THBS1: variants seen among roughly 807,000 people sequenced by gnomAD.
The protein encoded by THBS1 is thrombospondin-1.
A neutral mutation model predicts 126.1 loss-of-function variants in THBS1; 29 were observed. The observed-to-expected ratio is 0.23, with a 90% confidence interval of 0.17 to 0.31. THBS1 has a LOEUF of 0.31. THBS1 is among the 10% of genes least tolerant of loss of function. The pLI, the probability that THBS1 is intolerant of heterozygous loss-of-function variation, is 1.00. For missense variants in THBS1, 1,198 were observed against 1,545.2 expected (o/e 0.78, Z 3.77); for synonymous variants, 496 against 577.8 (o/e 0.86, Z 2.03).
Position 39,596,703 on chromosome 15 carries a change from G to A in THBS1, c.*1334G>A, listed in dbSNP as rs988714608. ...TTTTTTCTCTGTTTTATCTTTTCAA[G>A]TGGAATTAGTTGGTTATCCATTTGC... On this transcript the variant is annotated 3_prime_UTR_variant, in exon 22 of 22. Coordinates refer to ENST00000260356, the MANE Select transcript of THBS1 (RefSeq NM_003246.4). 3 of 152,204 alleles carry A rather than the reference G, an allele frequency of 2.0e-5. No homozygotes were observed. The highest frequency in any genetic ancestry group is 7.2e-5 in the African/African-American group (3 of 41,466). 9.4% of individuals were successfully genotyped at this position (152,204 alleles called of 1,614,324 possible). A position where few individuals can be genotyped will look rare whatever the true frequency, so the allele number is the denominator to read the frequency against.
rs1890368864 is a variant in THBS1 at position 39,593,390 on chromosome 15, C to A, written c.2996-7C>A. ...GGTTTTAACCTGGCTCTGGGCTCTT[C>A]TTCCAGGTTATGATGAGTTTAATGC... On this transcript the variant is annotated splice_polypyrimidine_tract_variant and splice_region_variant and intron_variant, in intron 18 of 21. Coordinates refer to ENST00000260356, the MANE Select transcript of THBS1 (RefSeq NM_003246.4). This position sits in a 1 kb window ranked among gnomAD's most constrained non-coding sequence, Gnocchi z 5.9. 6.2e-7 allele frequency: 1 copy of A among 1,613,768 alleles called. No homozygotes were observed. The highest frequency in any genetic ancestry group is 1.3e-5 in the African/African-American group (1 of 75,004).
chr15:39,585,442 G>A (rs374149106), intron 6 of THBS1, 28 bp from the exon 7 acceptor site: 206 of 1,604,540 alleles, frequency 1.3e-4, no homozygotes, highest in Admixed American at 3.7e-4. Flanking sequence ...TCAGCAGCCT[G>A]TTCCCCTCTC....
chr15:39,582,243 G>A lies in THBS1; in HGVS notation c.118G>A (p.Ala40Thr), dbSNP rs748135401. 6 of 1,613,764 alleles carry A rather than the reference G, an allele frequency of 3.7e-6. No homozygotes were observed. The South Asian group carries it at 4.4e-5, about 12-fold the overall frequency. Residue 40 changes from alanine to threonine, a missense_variant, in exon 3 of 22, where the codon GCC (alanine) becomes ACC (threonine). This residue lies in a region of THBS1 where 271 missense variants were observed against 277.0 expected (regional missense o/e 0.98). Coordinates refer to ENST00000260356, the MANE Select transcript of THBS1 (RefSeq NM_003246.4). ...VFDIFELTGA[A>T]RKGSGRRLVK... is the part of the protein sequence containing the mutation. Reference sequence around the variant, plus strand: ...TGACATCTTTGAACTCACCGGGGCCGCCCGCAAGGGGTCTGGGCGCCGACT... The same window carrying A: ...TGACATCTTTGAACTCACCGGGGCCACCCGCAAGGGGTCTGGGCGCCGACT...
Position 39,595,591 on chromosome 15 carries a change from A to C in THBS1, c.*222A>C. ...CCTCCAATGAATAAGACATCTTCCAAGCATATAAACAATTGCTTTGGTTTC... is the reference window on the plus strand; with the variant it reads ...CCTCCAATGAATAAGACATCTTCCACGCATATAAACAATTGCTTTGGTTTC... On this transcript the variant is annotated 3_prime_UTR_variant, in exon 22 of 22. Transcript: ENST00000260356. The C allele has an allele frequency of 3.1e-6, 2 of 635,312 alleles. No individual in the cohort carries two copies. Among genetic ancestry groups the C allele is most frequent in the East Asian group, 5.7e-5 (2 of 34,898 alleles). The allele number at this position is 635,312 out of a possible 1,614,324, so 39.4% of individuals were successfully genotyped here. A position where few individuals can be genotyped will look rare whatever the true frequency, so the allele number is the denominator to read the frequency against.
In THBS1 at chr15:39,593,773, T is replaced by G; in HGVS notation, c.3267+105T>G. 1 of 1,469,876 alleles carries G rather than the reference T, an allele frequency of 6.8e-7. No individual in the cohort carries two copies. The highest frequency in any genetic ancestry group is 9.2e-7 in the Non-Finnish European group (1 of 1,091,042). 91.1% of individuals were successfully genotyped at this position (1,469,876 alleles called of 1,614,324 possible). A position where few individuals can be genotyped will look rare whatever the true frequency, so the allele number is the denominator to read the frequency against. On this transcript the variant is annotated intron_variant, in intron 19 of 21. Coordinates refer to ENST00000260356, the MANE Select transcript of THBS1 (RefSeq NM_003246.4). This position sits in a 1 kb window ranked among gnomAD's most constrained non-coding sequence, Gnocchi z 5.9. ...CTCTGACCAGGGAGTCTTAGAAAGT[T>G]CCCAGCATCACCAGCTGCAGCATTG... is the stretch of plus-strand genomic sequence containing the variant.
At position 39,590,109 on chromosome 15, in the gene THBS1, T is replaced by C. The variant is rs187558056; in HGVS notation, c.2145+86T>C. On this transcript the variant is annotated intron_variant, in intron 13 of 21. Transcript: ENST00000260356. ...GCTAAGGAATTTTAAATACTTAAAG[T>C]TTGGACATGAAACTGAAAGATTAAA... The C allele has an allele frequency of 1.6e-4, 195 of 1,209,860 alleles. 1 individual carries two copies. The African/African-American group carries it at 2.6e-3, about 16-fold the overall frequency. The allele number at this position is 1,209,860 out of a possible 1,614,324, so 74.9% of individuals were successfully genotyped here.
At chr15:39,585,424 C>A in intron 6 of THBS1, 46 bp from the exon 7 acceptor site, 1 of 1,546,712 alleles carries the variant, frequency 6.5e-7, no homozygotes, top group Non-Finnish European at 8.9e-7. Context: ...CTTCTGTATG[C>A]AACATGCTCA....
In THBS1 at chr15:39,582,241, C is replaced by T; in HGVS notation, c.116C>T (p.Ala39Val). The T allele has an allele frequency of 1.9e-6, 3 of 1,613,704 alleles. No homozygotes were observed. The highest frequency in any genetic ancestry group is 2.5e-6 in the Non-Finnish European group (3 of 1,179,844). The change falls in exon 3 of 22, where the codon GCC becomes GTC. Residue 39 changes from alanine (A) to valine (V), a missense_variant. Coordinates refer to ENST00000260356, the MANE Select transcript of THBS1 (RefSeq NM_003246.4). ...TTTGACATCTTTGAACTCACCGGGG[C>T]CGCCCGCAAGGGGTCTGGGCGCCGA... The part of the protein sequence containing the change: ...SVFDIFELTG[A>V]ARKGSGRRLV...
rs569252217 is a variant in THBS1, at chr15:39,594,897, AT to A, written c.3506-457del. Among the ~76,000 whole-genome samples the A allele has an allele frequency of 9.9e-5, 15 of 152,158 alleles. No individual in the cohort carries two copies. The highest frequency in any genetic ancestry group is 1.6e-4 in the Non-Finnish European group (11 of 67,992). On this transcript the variant is annotated intron_variant, in intron 21 of 21. Coordinates refer to ENST00000260356, the MANE Select transcript of THBS1 (RefSeq NM_003246.4). This position sits in a 1 kb window ranked among gnomAD's most constrained non-coding sequence, Gnocchi z 4.4. ...ATTAATGTTCACTATTAAACTTAGC[AT>A]TTTTTTTCCTCATTCTTTTTTACTT...
At position 39,594,479 on chromosome 15, in the gene THBS1, C is replaced by T. The variant is rs1347058369; in HGVS notation, c.3505+39C>T. ...CACCATGAATGTACACTGGACATCT[C>T]TATTTCAGACTAATATCAAGGATGA... On this transcript the variant is annotated intron_variant, in intron 21 of 21. Transcript: ENST00000260356. The surrounding 1 kb of genome is among the most constrained non-coding windows in gnomAD (Gnocchi z 4.4). 6 of 1,603,554 alleles carry T rather than the reference C, an allele frequency of 3.7e-6. No homozygotes were observed. The highest frequency in any genetic ancestry group is 5.1e-6 in the Non-Finnish European group (6 of 1,175,688).
In THBS1 at chr15:39,589,684, C is replaced by A. The variant is rs905318517; in HGVS notation, c.1927-121C>A. ...GGAGAATGGGGAGGGACAGAGGTAA[C>A]CCACACTCTTCCAAATGGAGCCTCT... On this transcript the variant is annotated intron_variant, in intron 12 of 21. Transcript: ENST00000260356. This position sits in a 1 kb window ranked among gnomAD's most constrained non-coding sequence, Gnocchi z 4.7. The A allele has an allele frequency of 4.5e-6, 5 of 1,108,958 alleles. No individual in the cohort carries two copies. The South Asian group carries it at 8.6e-5, about 19-fold the overall frequency. The allele number at this position is 1,108,958 out of a possible 1,614,324, so 68.7% of individuals were successfully genotyped here.
chr15:39,582,450 C>T lies in THBS1; in HGVS notation c.325C>T (p.Arg109Trp), dbSNP rs775640444. 4 of 1,613,966 alleles carry T rather than the reference C, an allele frequency of 2.5e-6. No homozygotes were observed. The highest frequency in any genetic ancestry group is 1.7e-5 in the Admixed American group (1 of 60,008). The change falls in exon 3 of 22, where the codon CGG becomes TGG. Residue 109 changes from arginine to tryptophan, a missense_variant. Arg to Trp is a moderately radical substitution (Grantham distance 101, BLOSUM62 -3). Around this residue, in one of 4 missense-constraint regions of THBS1, gnomAD observed 271 missense variants for 277.0 expected, o/e 0.98. Transcript: ENST00000260356. Reference protein sequence around the residue: ...KTRGTLLALERKDHSGQVFSV... With the variant: ...KTRGTLLALEWKDHSGQVFSV... ...CCGGGGCACGCTGCTGGCCCTGGAGCGGAAAGACCACTCTGGCCAGGTCTT... is the reference window on the plus strand; with the variant it reads ...CCGGGGCACGCTGCTGGCCCTGGAGTGGAAAGACCACTCTGGCCAGGTCTT...
chr15:39,581,980 T>C (rs1890116672), intron 2 of THBS1, 56 bp downstream of exon 2: 1 of 1,585,090 alleles, frequency 6.3e-7, no homozygotes, highest in Non-Finnish European at 8.7e-7. Flanking sequence ...GTGCTGGCTA[T>C]CCCAGGTGTG....
intron 2 of THBS1, 101 bp downstream of exon 2, chr15:39,582,025 G>A (rs915845355): frequency 2.8e-6 from 4 of 1,403,914 alleles, no homozygotes; most frequent in African/African-American, 1.4e-5. Flanking sequence ...TCTTGAGCCT[G>A]ACTGGACATC....
chr15:39,588,038 T>G lies in THBS1; in HGVS notation c.1295-4T>G, dbSNP rs758847148. The G allele has an allele frequency of 6.2e-7, 1 of 1,613,580 alleles. No homozygotes were observed. The highest frequency in any genetic ancestry group is 8.5e-7 in the Non-Finnish European group (1 of 1,179,796). On this transcript the variant is annotated splice_polypyrimidine_tract_variant and splice_region_variant and intron_variant, in intron 8 of 21. Coordinates refer to ENST00000260356, the MANE Select transcript of THBS1 (RefSeq NM_003246.4). Reference sequence around the variant, plus strand: ...CATTTGTGACCATCAACTCTGTACTTTAGTTAAACAGGATGGTGGCTGGAG... The same window carrying G: ...CATTTGTGACCATCAACTCTGTACTGTAGTTAAACAGGATGGTGGCTGGAG...
At position 39,589,656 on chromosome 15, in the gene THBS1, C is replaced by T; in HGVS notation, c.1927-149C>T. ...ATAAAGCAAAGTTTGCTTATAGCCT[C>T]AGGGAGAATGGGGAGGGACAGAGGT... On this transcript the variant is annotated intron_variant, in intron 12 of 21. Transcript: ENST00000260356. The surrounding 1 kb of genome is among the most constrained non-coding windows in gnomAD (Gnocchi z 4.7). The T allele has an allele frequency of 2.1e-6, 2 of 952,532 alleles. No individual in the cohort carries two copies. The highest frequency in any genetic ancestry group is 1.5e-6 in the Non-Finnish European group (1 of 662,988). The allele number at this position is 952,532 out of a possible 1,614,324, so 59.0% of individuals were successfully genotyped here. A position where few individuals can be genotyped will look rare whatever the true frequency, so the allele number is the denominator to read the frequency against.
Position 39,582,442 on chromosome 15 carries a change from C to T in THBS1, c.317C>T (p.Ala106Val). Reference sequence around the variant, plus strand: ...AAGAAGACCCGGGGCACGCTGCTGGCCCTGGAGCGGAAAGACCACTCTGGC... The same window carrying T: ...AAGAAGACCCGGGGCACGCTGCTGGTCCTGGAGCGGAAAGACCACTCTGGC... ...QMKKTRGTLL[A>V]LERKDHSGQV... Residue 106 changes from alanine to valine, a missense_variant, in exon 3 of 22, where the codon GCC becomes GTC. Physicochemically the swap from Ala to Val is moderately conservative, Grantham distance 64. This residue lies in a region of THBS1 where 271 missense variants were observed against 277.0 expected (regional missense o/e 0.98). Transcript: ENST00000260356. 1 of 1,614,116 alleles carries T rather than the reference C, an allele frequency of 6.2e-7. No individual in the cohort carries two copies. The highest frequency in any genetic ancestry group is 8.5e-7 in the Non-Finnish European group (1 of 1,179,992).
Position 39,588,697 on chromosome 15 carries a change from T to C in THBS1, c.1643T>C (p.Ile548Thr), listed in dbSNP as rs775831301. ...NQICNKQDCP[I>T]DGCLSNPCFA... ...ATCTGCAACAAGCAGGACTGTCCAA[T>C]TGGTGAGCCACGCAGCCCAGGATGA... The change falls in exon 10 of 22, where the codon ATT becomes ACT. Residue 548 changes from isoleucine (I) to threonine (T), a missense_variant and splice_region_variant. Physicochemically the swap from Ile to Thr is moderately conservative, Grantham distance 89 (BLOSUM62 -1). Around this residue, in one of 4 missense-constraint regions of THBS1, gnomAD observed 663 missense variants for 860.1 expected, o/e 0.77. Transcript: ENST00000260356. The C allele has an allele frequency of 1.3e-6, 2 of 1,571,640 alleles. No individual in the cohort carries two copies. Among genetic ancestry groups the C allele is most frequent in the East Asian group, 2.2e-5 (1 of 44,496 alleles).
Position 39,588,141 on chromosome 15 carries a change from C to G in THBS1, c.1394C>G (p.Pro465Arg). The change falls in exon 9 of 22, where the codon CCC becomes CGC. Residue 465 changes from proline to arginine, a missense_variant. Pro to Arg is a moderately radical substitution (Grantham distance 103). This residue lies in a region of THBS1 where 663 missense variants were observed against 860.1 expected (regional missense o/e 0.77). Transcript: ENST00000260356. ...VITRIRLCNS[P>R]SPQMNGKPCE... is the part of the protein sequence containing the mutation. ...ACAAGGATCCGGCTCTGCAACTCTC[C>G]CAGCCCCCAGATGAACGGGAAACCC... is the stretch of plus-strand genomic sequence containing the variant. The G allele has an allele frequency of 6.2e-7, 1 of 1,614,190 alleles. No individual in the cohort carries two copies.
Sources: gnomAD v4.1 joint callset for allele counts (sites outside exome capture counted in the v4.1 genomes callset) on GRCh38, gnomAD v4.1.1 for gene constraint, gnomAD v4.1.1 regional missense constraint, Gnocchi (gnomAD v3.1) non-coding constraint, MANE v1.5 for transcripts, NCBI Gene and HGNC (gene_info 2026-07-23, HGNC 2026-07-21) for gene names.